The following STRBP variants were observed in gnomAD, a reference collection of about 807,000 sequenced individuals.
STRBP encodes spermatid perinuclear RNA binding protein.
In STRBP, 13 loss-of-function variants were observed where a neutral mutation model predicts 80.1. The ratio of observed to expected loss-of-function variants is 0.16; its 90% CI spans 0.11 to 0.26. STRBP has a LOEUF of 0.26. Ranked by LOEUF, STRBP falls within the 10% of genes least tolerant of loss-of-function variation. The pLI is 1.00. For synonymous variants in STRBP, 284 were observed against 291.2 expected (o/e 0.98, Z 0.25); for missense variants, 485 against 815.2 (o/e 0.59, Z 4.93).
chr9:123,233,957 T>C (rs1370893812), intron 2 of STRBP, among the ~76,000 whole-genome samples: 1 of 152,096 alleles, frequency 6.6e-6, no homozygotes, highest in Non-Finnish European at 1.5e-5. Context: ...TACCAGCACT[T>C]TGGGAGGCCA....
chr9:123,247,828 A>G (rs1230042735), intron 1 of STRBP, among the ~76,000 whole-genome samples: 1 of 152,258 alleles, frequency 6.6e-6, no homozygotes, highest in Admixed American at 6.5e-5. Context: ...TAGATGTCGT[A>G]TGTAACTAAA....
intron 2 of STRBP, among the ~76,000 whole-genome samples, chr9:123,196,879 G>A (rs775177657): frequency 2.6e-5 from 4 of 152,062 alleles, no homozygotes; most frequent in Non-Finnish European, 4.4e-5. Flanking sequence ...GCAATCTCAC[G>A]GCTAGGTATA....
intron 11 of STRBP, among the ~76,000 whole-genome samples, chr9:123,154,688 T>A (rs1357700112): frequency 1.3e-5 from 2 of 152,120 alleles, no homozygotes; most frequent in African/African-American, 4.8e-5. Flanking sequence ...ATGGCTAAGA[T>A]GAGGACTGAA....
At chr9:123,167,374 T>G (rs367837840) in intron 6 of STRBP, among the ~76,000 whole-genome samples, 1 of 152,082 alleles carries the variant, frequency 6.6e-6, no homozygotes, top group East Asian at 1.9e-4. Flanking sequence ...TGAATGAATC[T>G]TGTGCTTTTA....
chr9:123,192,145 G>A (rs1049600931), intron 2 of STRBP, among the ~76,000 whole-genome samples: 1 of 152,140 alleles, frequency 6.6e-6, no homozygotes, highest in African/African-American at 2.4e-5. Flanking sequence ...TTCAGCTTTG[G>A]ACATGCTGAC....
intron 1 of STRBP, among the ~76,000 whole-genome samples, chr9:123,265,018 A>G (rs910627781): frequency 2.0e-5 from 3 of 152,178 alleles, no homozygotes; most frequent in Non-Finnish European, 4.4e-5. Flanking sequence ...TGCTCCCTAT[A>G]TTATATTGTA....
chr9:123,171,276 C>T (rs144977232), intron 5 of STRBP, among the ~76,000 whole-genome samples: 1 of 152,320 alleles, frequency 6.6e-6, no homozygotes, highest in East Asian at 1.9e-4. Context: ...CATCCTCCTC[C>T]TCCTTTGCTC....
chr9:123,149,934 G>A (rs184881903), intron 11 of STRBP, among the ~76,000 whole-genome samples: 2 of 152,172 alleles, frequency 1.3e-5, no homozygotes, highest in Non-Finnish European at 2.9e-5. Flanking sequence ...TTCTCAAAGA[G>A]CTTACATATA....
chr9:123,160,962 T>C lies in STRBP; in HGVS notation c.627+15A>G. The C allele has an allele frequency of 6.3e-7, 1 of 1,576,208 alleles. No homozygotes were observed. The highest frequency in any genetic ancestry group is 8.6e-7 in the Non-Finnish European group (1 of 1,169,456). On this transcript the variant is annotated intron_variant, in intron 7 of 18. Transcript: ENST00000348403. ...ACAAACTTTAATAACAATAAGATAG[T>C]AAGAAAAAGCCAACCTGAAACCATT...
intron 18 of STRBP, among the ~76,000 whole-genome samples, chr9:123,127,557 G>A (rs2035946570): frequency 1.3e-5 from 2 of 152,146 alleles, no homozygotes; most frequent in Admixed American, 6.5e-5. Context: ...TCATTCAAAA[G>A]TTATCCAAAG....
At chr9:123,120,493 G>C (rs1219443766), downstream of STRBP, among the ~76,000 whole-genome samples, 1 of 8,382 alleles carries the variant, frequency 1.2e-4, no homozygotes, top group East Asian at 0.019. Flanking sequence ...GGGGGGGTGG[G>C]GGGGGGGGGG....
chr9:123,204,556 T>C (rs2039444556), intron 2 of STRBP, among the ~76,000 whole-genome samples: 1 of 152,208 alleles, frequency 6.6e-6, no homozygotes. Context: ...AGACTATTTT[T>C]AGAATTTACC....
chr9:123,204,426 A>G (rs2039439140), intron 2 of STRBP, among the ~76,000 whole-genome samples: 1 of 152,222 alleles, frequency 6.6e-6, no homozygotes, highest in South Asian at 2.1e-4. Context: ...TGATCTTTAA[A>G]AAGCTCAAGA....
chr9:123,140,773 C>G (rs2036560741), intron 13 of STRBP, among the ~76,000 whole-genome samples: 1 of 152,182 alleles, frequency 6.6e-6, no homozygotes. Context: ...CAGTCGATCC[C>G]CAGGATTTGT....
intron 1 of STRBP, among the ~76,000 whole-genome samples, chr9:123,254,155 C>A (rs1010688845): frequency 6.6e-6 from 1 of 152,112 alleles, no homozygotes; most frequent in African/African-American, 2.4e-5. Flanking sequence ...CAGCTACGTT[C>A]ATTTAAGATT....
Position 123,125,240 on chromosome 9 carries a change from T to C in STRBP, c.*357A>G, listed in dbSNP as rs2035848753. 13 of 999,522 alleles carry C rather than the reference T, an allele frequency of 1.3e-5. No homozygotes were observed. Among genetic ancestry groups the C allele is most frequent in the Non-Finnish European group, 1.5e-5 (13 of 839,036 alleles). 61.9% of individuals were successfully genotyped at this position (999,522 alleles called of 1,614,324 possible). A position where few individuals can be genotyped will look rare whatever the true frequency, so the allele number is the denominator to read the frequency against. On this transcript the variant is annotated 3_prime_UTR_variant, in exon 19 of 19. Coordinates refer to ENST00000348403, the MANE Select transcript of STRBP (RefSeq NM_018387.5). The stretch of plus-strand genomic sequence containing the variant: ...CTGTGTTACAACAAAGCAGTTTATT[T>C]GTGATCAGTGTTTGAGACTCTATAC...
In STRBP at chr9:123,122,481, C is replaced by T; in HGVS notation, c.*3116G>A. 1 of 1,195,020 alleles carries T rather than the reference C, an allele frequency of 8.4e-7. No homozygotes were observed. The highest frequency in any genetic ancestry group is 1.6e-5 in the South Asian group (1 of 61,814). The allele number at this position is 1,195,020 out of a possible 1,614,324, so 74.0% of individuals were successfully genotyped here. On this transcript the variant is annotated 3_prime_UTR_variant, in exon 19 of 19. Transcript: ENST00000348403. ...AAGAAAAGGCCAATACCAGCAAAAT[C>T]TCTCAGTGGTTTGTTCCCCAGGCTA...
At chr9:123,184,804 T>C (rs887110765) in intron 2 of STRBP, among the ~76,000 whole-genome samples, 1 of 152,158 alleles carries the variant, frequency 6.6e-6, no homozygotes, top group African/African-American at 2.4e-5. Flanking sequence ...CAGCCTAAAA[T>C]TCAGAATGCT....
intron 1 of STRBP, among the ~76,000 whole-genome samples, chr9:123,262,851 C>T (rs1298864520): frequency 6.6e-6 from 1 of 152,200 alleles, no homozygotes; most frequent in Admixed American, 6.5e-5. Context: ...TTGGTCACCT[C>T]ACTATTCAAT....
Sources: allele counts gnomAD v4.1 joint callset (sites outside exome capture counted in the v4.1 genomes callset), GRCh38; gene constraint gnomAD v4.1.1; transcripts MANE v1.5; gene names NCBI Gene and HGNC (gene_info 2026-07-23, HGNC 2026-07-21).